The following ARHGEF18 variants were observed in gnomAD, a reference collection of about 807,000 sequenced individuals.
ARHGEF18 encodes the protein Rho/Rac guanine nucleotide exchange factor 18.
ARHGEF18 carries 93 observed loss-of-function variants against 155.7 expected under a neutral mutation model. The observed-to-expected ratio is 0.60, with a 90% CI of 0.50 to 0.71. The LOEUF (loss-of-function observed/expected upper bound fraction) is 0.71, where lower values mean the gene tolerates loss of function less well. Among genes scored for constraint, ARHGEF18 ranks in the 30% least tolerant of loss-of-function variants. The pLI is 0.00. For missense variants in ARHGEF18, 1,593 were observed against 1,816.1 expected (o/e 0.88, Z 2.23); for synonymous variants, 742 against 753.1 (o/e 0.99, Z 0.24).
intron 10 of ARHGEF18, among the ~76,000 whole-genome samples, chr19:7,422,854 G>T (rs189276957): frequency 6.6e-6 from 1 of 151,120 alleles, no homozygotes; most frequent in African/African-American, 2.4e-5. Context: ...AAGAAGCTGG[G>T]ATTACAGGCA....
chr19:7,367,841 T>TATATATA (rs1196951698), intron 2 of ARHGEF18, among the ~76,000 whole-genome samples: 3 of 13,174 alleles, frequency 2.3e-4, no homozygotes, highest in Non-Finnish European at 1.0e-3. Context: ...ATATATATAT[T>TATATATA]TTATATATAT....
chr19:7,413,520 T>C (rs12985781), intron 10 of ARHGEF18, among the ~76,000 whole-genome samples: 83,916 of 151,704 alleles, frequency 0.55, 23,629 homozygotes, highest in Middle Eastern at 0.75. Context: ...CCAGGATGGT[T>C]TCGATCTCCT....
intron 27 of ARHGEF18, among the ~76,000 whole-genome samples, chr19:7,469,649 C>A (rs1287743691): frequency 1.3e-5 from 2 of 152,172 alleles, no homozygotes; most frequent in African/African-American, 4.8e-5. Context: ...GTCACTAGGG[C>A]CTGTGCTATT....
intron 3 of ARHGEF18, among the ~76,000 whole-genome samples, chr19:7,374,828 T>C (rs9329373): frequency 0.2 from 29,765 of 152,018 alleles, 6,660 homozygotes; most frequent in African/African-American, 0.54. Context: ...ACTGCTTGCA[T>C]GCATACGCAT....
Position 7,470,213 on chromosome 19 carries a change from C to T in ARHGEF18, c.4001C>T (p.Pro1334Leu). ...SLKAGGTALL[P>L]GPPAPSPLPA... ...AAGGCCGGGGGCACAGCCCTCCTGC[C>T]CGGGCCCCCAGCTCCCTCGCCACTG... The change falls in exon 29 of 29, where the codon CCC becomes CTC. Residue 1334 changes from proline (P) to leucine (L), a missense_variant. Physicochemically the swap from Pro to Leu is moderately conservative, Grantham distance 98. Coordinates refer to ENST00000668164, the MANE Select transcript of ARHGEF18 (RefSeq NM_001367823.1). The surrounding 1 kb of genome is among the most constrained non-coding windows in gnomAD (Gnocchi z 5.9). 6.2e-7 allele frequency: 1 copy of T among 1,610,380 alleles called. No homozygotes were observed. Among genetic ancestry groups the T allele is most frequent in the Non-Finnish European group, 8.5e-7 (1 of 1,178,888 alleles).
intron 10 of ARHGEF18, among the ~76,000 whole-genome samples, chr19:7,431,277 G>A (rs1167295765): frequency 6.6e-6 from 1 of 152,124 alleles, no homozygotes; most frequent in East Asian, 1.9e-4. Flanking sequence ...GGCACTTTGA[G>A]AGGCCGAGGT....
intron 1 of ARHGEF18, among the ~76,000 whole-genome samples, chr19:7,352,586 T>G (rs1969185011): frequency 6.8e-6 from 1 of 148,030 alleles, no homozygotes; most frequent in South Asian, 2.2e-4. Flanking sequence ...CAGGCTGTCG[T>G]GCAGTGGCAT....
downstream of ARHGEF18, among the ~76,000 whole-genome samples, chr19:7,475,413 A>G (rs1164232611): frequency 2.0e-5 from 3 of 152,166 alleles, no homozygotes; most frequent in Non-Finnish European, 4.4e-5. Flanking sequence ...GGAATGTTCT[A>G]AGGTTGACTG....
chr19:7,412,276 A>T (rs2145626826), intron 10 of ARHGEF18, among the ~76,000 whole-genome samples: 1 of 151,044 alleles, frequency 6.6e-6, no homozygotes, highest in South Asian at 2.1e-4. Flanking sequence ...CGGCCTCCCA[A>T]AGTGCTGGGA....
chr19:7,368,795 G>C (rs1970059141), intron 2 of ARHGEF18, among the ~76,000 whole-genome samples: 1 of 152,180 alleles, frequency 6.6e-6, no homozygotes, highest in African/African-American at 2.4e-5. Context: ...CATTTGGGGG[G>C]TAAGTGGGAA....
At chr19:7,418,505 C>G (rs1454643521) in intron 10 of ARHGEF18, among the ~76,000 whole-genome samples, 1 of 152,114 alleles carries the variant, frequency 6.6e-6, no homozygotes, top group Non-Finnish European at 1.5e-5. Context: ...TCCTCCCACT[C>G]TGTCAGTGAC....
chr19:7,474,003 A>G (rs1599196180), downstream of ARHGEF18, among the ~76,000 whole-genome samples: 2 of 151,144 alleles, frequency 1.3e-5, no homozygotes, highest in South Asian at 2.1e-4. Flanking sequence ...AAAAAAAAAA[A>G]GGAAATTTGG....
At chr19:7,363,545 T>C (rs1483094054) in intron 2 of ARHGEF18, among the ~76,000 whole-genome samples, 1 of 148,514 alleles carries the variant, frequency 6.7e-6, no homozygotes, top group Non-Finnish European at 1.5e-5. Context: ...AGATGAGAAA[T>C]GTGGGTGGAT....
At chr19:7,443,550 C>A (rs1435550643) in intron 13 of ARHGEF18, among the ~76,000 whole-genome samples, 1 of 152,182 alleles carries the variant, frequency 6.6e-6, no homozygotes, top group Non-Finnish European at 1.5e-5. Context: ...GTTCTCTCCC[C>A]TTAGGACCTC....
chr19:7,380,146 CCAG>C (rs1299398211), intron 7 of ARHGEF18, among the ~76,000 whole-genome samples: 2 of 150,206 alleles, frequency 1.3e-5, no homozygotes, highest in East Asian at 3.9e-4. Flanking sequence ...CCACTGCACA[CCAG>C]CCTGAGCAAC....
intron 1 of ARHGEF18, among the ~76,000 whole-genome samples, chr19:7,356,852 GAA>G (rs1250261670): frequency 8.5e-5 from 13 of 152,168 alleles, no homozygotes; most frequent in African/African-American, 2.4e-5. Flanking sequence ...GAGTTTTCAT[GAA>G]AGAGGGGGCC....
chr19:7,404,868 C>A (rs1415146625), intron 10 of ARHGEF18, among the ~76,000 whole-genome samples: 1 of 152,132 alleles, frequency 6.6e-6, no homozygotes, highest in Non-Finnish European at 1.5e-5. Context: ...ACATTCTATA[C>A]CGTGATCCAA....
the ARHGEF18 span, among the ~76,000 whole-genome samples, chr19:7,478,129 G>T: frequency 6.6e-6 from 1 of 152,214 alleles, no homozygotes; most frequent in African/African-American, 2.4e-5. Flanking sequence ...TGGAGTCCCC[G>T]CTCAAGCAAG....
At chr19:7,370,107 G>A (rs911518213) in intron 2 of ARHGEF18, among the ~76,000 whole-genome samples, 6 of 151,810 alleles carry the variant, frequency 4.0e-5, no homozygotes, top group Admixed American at 3.9e-4. Context: ...TGAGGCACGA[G>A]AATCACTTGA....
Sources: allele counts gnomAD v4.1 joint callset (sites outside exome capture counted in the v4.1 genomes callset), GRCh38; gene constraint gnomAD v4.1.1; non-coding constraint Gnocchi (gnomAD v3.1); transcripts MANE v1.5; gene names NCBI Gene and HGNC (gene_info 2026-07-23, HGNC 2026-07-21).